Variants in EBF1 observed in about 807,000 individuals in gnomAD.
EBF1 encodes the protein transcription factor COE1.
EBF1 carries 10 observed loss-of-function variants against 68.4 expected under a neutral mutation model. That is an observed-to-expected ratio of 0.15 (90% CI 0.09 to 0.25). The LOEUF (loss-of-function observed/expected upper bound fraction) is 0.25, where lower values mean the gene tolerates loss of function less well. EBF1 is among the 10% of genes least tolerant of loss of function. EBF1 has a pLI of 1.00. For missense variants in EBF1, 509 were observed against 794.4 expected (o/e 0.64, Z 4.32); for synonymous variants, 298 against 299.8 (o/e 0.99, Z 0.06).
intron 6 of EBF1, among the ~76,000 whole-genome samples, chr5:159,052,403 T>C (rs2127824831): frequency 6.6e-6 from 1 of 151,658 alleles, no homozygotes; most frequent in East Asian, 1.9e-4. Context: ...TTGTACCAGA[T>C]TCTGTATTAA....
At chr5:158,726,327 A>G (rs1436339724) in intron 11 of EBF1, among the ~76,000 whole-genome samples, 3 of 152,168 alleles carry the variant, frequency 2.0e-5, no homozygotes, top group African/African-American at 7.2e-5. Flanking sequence ...TTCATAAAAG[A>G]TGAATATAAA....
In EBF1 at chr5:158,737,772, C is replaced by T. The variant is rs554268965; in HGVS notation, c.1037-6615G>A. 1.1e-4 allele frequency among the ~76,000 whole-genome samples: 17 copies of T among 152,140 alleles called. No individual in the cohort carries two copies. The South Asian group carries it at 3.5e-3, about 32-fold the overall frequency. ...TAACATGCAAAGAAAAGGCTGAAGA[C>T]AGAAGGTCAACTGAAAAGCAAAGAG... On this transcript the variant is annotated intron_variant, in intron 10 of 15. Transcript: ENST00000313708.
intron 6 of EBF1, among the ~76,000 whole-genome samples, chr5:159,005,956 C>T (rs1763466886): frequency 6.6e-6 from 1 of 152,170 alleles, no homozygotes; most frequent in Non-Finnish European, 1.5e-5. Flanking sequence ...TTCCTGTGTA[C>T]TAACAGAATC....
At chr5:158,718,974 G>C (rs532903087) in intron 11 of EBF1, among the ~76,000 whole-genome samples, 2 of 152,186 alleles carry the variant, frequency 1.3e-5, no homozygotes, top group East Asian at 1.9e-4. Flanking sequence ...ATAATGTTTA[G>C]CAAACCACAA....
chr5:158,807,221 T>C (rs1003886398), intron 8 of EBF1, among the ~76,000 whole-genome samples: 2 of 152,106 alleles, frequency 1.3e-5, no homozygotes, highest in African/African-American at 2.4e-5. Context: ...GGAACAACGA[T>C]TAATCTCCAA....
chr5:159,054,076 TA>T (rs1295686840), intron 6 of EBF1, among the ~76,000 whole-genome samples: 1 of 152,230 alleles, frequency 6.6e-6, no homozygotes, highest in East Asian at 1.9e-4. Context: ...AATATAAACT[TA>T]AATAAAAATT....
intron 6 of EBF1, among the ~76,000 whole-genome samples, chr5:159,039,552 A>G (rs1451346713): frequency 6.6e-6 from 1 of 152,222 alleles, no homozygotes; most frequent in South Asian, 2.1e-4. Flanking sequence ...TTATTTTAGC[A>G]CCATTCCAGA....
chr5:158,814,215 C>T (rs916134064), intron 8 of EBF1, among the ~76,000 whole-genome samples: 2 of 152,094 alleles, frequency 1.3e-5, no homozygotes, highest in African/African-American at 2.4e-5. Context: ...TGATGGAGTG[C>T]ACCTGTAGTC....
At chr5:158,953,653 A>C (rs558656635) in intron 6 of EBF1, among the ~76,000 whole-genome samples, 109 of 152,314 alleles carry the variant, frequency 7.2e-4, no homozygotes, top group African/African-American at 2.5e-3. Flanking sequence ...TGGTGCCAGG[A>C]GTTTTCCATC....
chr5:158,794,174 C>G (rs1480202873), intron 9 of EBF1, among the ~76,000 whole-genome samples: 1 of 152,174 alleles, frequency 6.6e-6, no homozygotes, highest in Non-Finnish European at 1.5e-5. Context: ...AGCATGCATC[C>G]TCCACCCTCA....
intron 6 of EBF1, among the ~76,000 whole-genome samples, chr5:159,006,521 G>T (rs1284091668): frequency 3.9e-5 from 6 of 151,914 alleles, no homozygotes; most frequent in Non-Finnish European, 8.8e-5. Context: ...TCTTAGAGAA[G>T]TCAAGAACCA....
intron 11 of EBF1, among the ~76,000 whole-genome samples, chr5:158,716,390 G>C (rs1015315367): frequency 1.3e-5 from 2 of 152,080 alleles, no homozygotes; most frequent in African/African-American, 4.8e-5. Flanking sequence ...GATCCACCAT[G>C]CTGGGGCATG....
chr5:158,958,873 A>G (rs1237928129), intron 6 of EBF1, among the ~76,000 whole-genome samples: 1 of 152,142 alleles, frequency 6.6e-6, no homozygotes, highest in Non-Finnish European at 1.5e-5. Context: ...GGGTAATTTC[A>G]AGCAGAAACA....
intron 7 of EBF1, among the ~76,000 whole-genome samples, chr5:158,824,011 C>A (rs1562034901): frequency 6.6e-6 from 1 of 151,948 alleles, no homozygotes; most frequent in Non-Finnish European, 1.5e-5. Context: ...GACTGTGAAC[C>A]CAGTTTGCCA....
intron 6 of EBF1, among the ~76,000 whole-genome samples, chr5:159,020,532 C>T (rs1031593702): frequency 9.2e-5 from 14 of 152,202 alleles, no homozygotes; most frequent in Non-Finnish European, 1.8e-4. Flanking sequence ...CCTCCCACCT[C>T]CTCCTTCCTG....
intron 6 of EBF1, among the ~76,000 whole-genome samples, chr5:158,949,138 C>A (rs1414013151): frequency 1.3e-5 from 2 of 152,168 alleles, no homozygotes; most frequent in Admixed American, 6.5e-5. Flanking sequence ...CCCTTTTATA[C>A]CTTTTCCTGT....
intron 6 of EBF1, among the ~76,000 whole-genome samples, chr5:158,887,205 G>A (rs1800227969): frequency 6.6e-6 from 1 of 152,194 alleles, no homozygotes; most frequent in Admixed American, 6.5e-5. Flanking sequence ...TAGACATATA[G>A]GACCATATGT....
intron 9 of EBF1, among the ~76,000 whole-genome samples, chr5:158,785,874 T>A (rs1777327337): frequency 6.6e-6 from 1 of 152,168 alleles, no homozygotes. Flanking sequence ...GATGTAGATA[T>A]GCTTTCCTAT....
At chr5:158,876,094 A>T (rs1403353256) in intron 6 of EBF1, among the ~76,000 whole-genome samples, 1 of 152,202 alleles carries the variant, frequency 6.6e-6, no homozygotes, top group Non-Finnish European at 1.5e-5. Flanking sequence ...AGGCCAAAAA[A>T]CTGTTCCATG....
Sources: allele counts gnomAD v4.1 joint callset (sites outside exome capture counted in the v4.1 genomes callset), GRCh38; gene constraint gnomAD v4.1.1; transcripts MANE v1.5; gene names NCBI Gene and HGNC (gene_info 2026-07-23, HGNC 2026-07-21).